TENM4: variants seen among roughly 807,000 people sequenced by gnomAD.
TENM4 encodes the protein teneurin-4.
TENM4 carries 82 observed loss-of-function variants against 243.3 expected under a neutral mutation model. That is an observed-to-expected ratio of 0.34 (90% CI 0.28 to 0.40). TENM4 has a LOEUF of 0.40. Ranked by LOEUF, TENM4 falls within the 10% of genes least tolerant of loss-of-function variation. TENM4 has a pLI of 1.00. For synonymous variants in TENM4, 1,412 were observed against 1,456.3 expected, an observed-to-expected ratio of 0.97 and a Z score of 0.69; for missense variants, 3,138 against 3,673.3, an observed-to-expected ratio of 0.85 and a Z score of 3.77.
intron 1 of TENM4, among the ~76,000 whole-genome samples, chr11:79,362,901 C>T (rs916888008): frequency 8.5e-5 from 13 of 152,156 alleles, no homozygotes; most frequent in Non-Finnish European, 1.9e-4. Flanking sequence ...TCTGGTGTGG[C>T]CCACCTTCTT....
chr11:79,339,221 A>G (rs1857202810), intron 1 of TENM4, among the ~76,000 whole-genome samples: 1 of 152,222 alleles, frequency 6.6e-6, no homozygotes, highest in African/African-American at 2.4e-5. Context: ...CAATAGGCAG[A>G]TGACACAAGT....
At position 79,438,282 on chromosome 11, in the gene TENM4, G is replaced by A. The variant is rs1413939081; in HGVS notation, c.-321+2227C>T. ...CAAGATTTAAAAGCATACTCTTACT[G>A]TGGTTTCTCTATCAAAGCCCATCAA... On this transcript the variant is annotated intron_variant, in intron 1 of 33. Coordinates refer to ENST00000278550, the MANE Select transcript of TENM4 (RefSeq NM_001098816.3). The surrounding 1 kb of genome is among the most constrained non-coding windows in gnomAD (Gnocchi z 4.1). Among the ~76,000 whole-genome samples the A allele has an allele frequency of 6.6e-6, 1 of 152,194 alleles. No homozygotes were observed. The highest frequency in any genetic ancestry group is 1.9e-4 in the East Asian group (1 of 5,186).
intron 7 of TENM4, among the ~76,000 whole-genome samples, chr11:78,903,050 C>G (rs1312308706): frequency 1.3e-5 from 2 of 152,170 alleles, no homozygotes; most frequent in African/African-American, 4.8e-5. Context: ...CAAGGTCACA[C>G]CTTTGGTAAT....
At chr11:79,010,058 C>T (rs1188671599) in intron 6 of TENM4, among the ~76,000 whole-genome samples, 1 of 152,132 alleles carries the variant, frequency 6.6e-6, no homozygotes, top group Non-Finnish European at 1.5e-5. Flanking sequence ...ATTCACCTTC[C>T]TCCATGATTG....
chr11:79,044,840 C>T (rs1250215581), intron 6 of TENM4, among the ~76,000 whole-genome samples: 2 of 152,148 alleles, frequency 1.3e-5, no homozygotes, highest in South Asian at 2.1e-4. Flanking sequence ...TTTGTATCCC[C>T]GGGGCCTGAT....
chr11:79,261,878 T>C (rs1855805028), intron 2 of TENM4, among the ~76,000 whole-genome samples: 1 of 152,120 alleles, frequency 6.6e-6, no homozygotes, highest in Admixed American at 6.5e-5. Flanking sequence ...GCTGCCAACA[T>C]TTGGTTTCTT....
At chr11:79,272,581 A>T (rs1420709249) in intron 2 of TENM4, among the ~76,000 whole-genome samples, 2 of 152,144 alleles carry the variant, frequency 1.3e-5, no homozygotes, top group African/African-American at 2.4e-5. Flanking sequence ...CAATAGTCAC[A>T]TGTGGCTGTT....
At chr11:78,821,475 C>T (rs1476486002) in intron 12 of TENM4, among the ~76,000 whole-genome samples, 4 of 152,128 alleles carry the variant, frequency 2.6e-5, no homozygotes, top group Non-Finnish European at 5.9e-5. Context: ...ATACTGTTTC[C>T]TTTGCCTCTA....
intron 6 of TENM4, among the ~76,000 whole-genome samples, chr11:79,053,908 A>G (rs1482637003): frequency 6.6e-6 from 1 of 152,158 alleles, no homozygotes; most frequent in Non-Finnish European, 1.5e-5. Flanking sequence ...GCCTGGGTTG[A>G]TTAGTGTGAA....
chr11:79,007,722 AC>A (rs1213662993), intron 6 of TENM4, among the ~76,000 whole-genome samples: 1 of 151,724 alleles, frequency 6.6e-6, no homozygotes, highest in Non-Finnish European at 1.5e-5. Context: ...ACCCTTCACA[AC>A]CCCTTTTTCT....
intron 6 of TENM4, among the ~76,000 whole-genome samples, chr11:78,943,343 G>A (rs777501686): frequency 3.3e-5 from 5 of 152,078 alleles, no homozygotes; most frequent in Non-Finnish European, 5.9e-5. Context: ...TGAGACAGAA[G>A]AAAAAAAGGA....
intron 1 of TENM4, among the ~76,000 whole-genome samples, chr11:79,396,742 G>A (rs1242706942): frequency 2.6e-5 from 4 of 152,188 alleles, no homozygotes; most frequent in African/African-American, 9.7e-5. Flanking sequence ...AGGCATGGTG[G>A]CCACTGGGTC....
At chr11:79,367,218 C>T (rs1211273679) in intron 1 of TENM4, among the ~76,000 whole-genome samples, 1 of 152,212 alleles carries the variant, frequency 6.6e-6, no homozygotes, top group Non-Finnish European at 1.5e-5. Flanking sequence ...TGAAGTGAAT[C>T]TATGGGTGAA....
intron 4 of TENM4, among the ~76,000 whole-genome samples, chr11:79,078,443 G>A (rs890633300): frequency 6.6e-6 from 1 of 152,096 alleles, no homozygotes; most frequent in Non-Finnish European, 1.5e-5. Context: ...TTAAAGTGGG[G>A]GTGGGGAGGA....
At chr11:79,338,521 T>A (rs1169540206) in intron 1 of TENM4, among the ~76,000 whole-genome samples, 1 of 152,208 alleles carries the variant, frequency 6.6e-6, no homozygotes, top group Non-Finnish European at 1.5e-5. Context: ...GGACCTGAGG[T>A]CATCCCTTCC....
chr11:79,121,175 G>A (rs975616752), intron 4 of TENM4, among the ~76,000 whole-genome samples: 1 of 142,164 alleles, frequency 7.0e-6, no homozygotes, highest in African/African-American at 2.5e-5. Context: ...TTCCATTCTA[G>A]TTTTCTTGTT....
chr11:79,374,046 T>C (rs1228399442), intron 1 of TENM4, among the ~76,000 whole-genome samples: 32 of 152,148 alleles, frequency 2.1e-4, no homozygotes, highest in Admixed American at 2.1e-3. Flanking sequence ...GAACAATCAA[T>C]ACTTATCCAC....
At chr11:78,760,879 G>A (rs1304267545) in intron 18 of TENM4, among the ~76,000 whole-genome samples, 1 of 152,050 alleles carries the variant, frequency 6.6e-6, no homozygotes, top group East Asian at 1.9e-4. Context: ...CCCATCATTT[G>A]TGTCTGGTCT....
At chr11:79,371,149 A>G (rs1857777263) in intron 1 of TENM4, among the ~76,000 whole-genome samples, 2 of 152,238 alleles carry the variant, frequency 1.3e-5, no homozygotes, top group Non-Finnish European at 2.9e-5. Context: ...CTCTGTCTCA[A>G]GTGTCAGAAG....
Sources: allele counts gnomAD v4.1 joint callset (sites outside exome capture counted in the v4.1 genomes callset), GRCh38; gene constraint gnomAD v4.1.1; non-coding constraint Gnocchi (gnomAD v3.1); transcripts MANE v1.5; gene names NCBI Gene and HGNC (gene_info 2026-07-23, HGNC 2026-07-21).